The following DAPK1 variants were observed in gnomAD, a reference collection of about 807,000 sequenced individuals.
DAPK1 encodes the protein death associated protein kinase 1, also known as death-associated protein kinase 1.
In DAPK1, 56 loss-of-function variants were observed where a neutral mutation model predicts 144.9. That is an observed-to-expected ratio of 0.39 (90% CI 0.31 to 0.48). The LOEUF is 0.48. Among genes scored for constraint, DAPK1 ranks in the 20% least tolerant of loss-of-function variants. DAPK1 has a pLI of 0.95. For synonymous variants in DAPK1, 690 were observed against 749.0 expected (o/e 0.92, Z 1.29); for missense variants, 1,454 against 1,875.4 (o/e 0.78, Z 4.15).
Position 87,706,050 on chromosome 9 carries a change from C to G in DAPK1, c.3061-82C>G. The G allele has an allele frequency of 9.9e-7, 1 of 1,007,732 alleles. No individual in the cohort carries two copies. The highest frequency in any genetic ancestry group is 1.5e-6 in the Non-Finnish European group (1 of 664,892). The allele number at this position is 1,007,732 out of a possible 1,614,324, so 62.4% of individuals were successfully genotyped here. On this transcript the variant is annotated intron_variant, in intron 25 of 25. Transcript: ENST00000408954. This position sits in a 1 kb window ranked among gnomAD's most constrained non-coding sequence, Gnocchi z 9.0. ...TCTGCTCAGCCTCTGTTGCCGGCAT[C>G]AGGCCCTTTAGTGCTCTAAGTGGCT...
intron 21 of DAPK1, among the ~76,000 whole-genome samples, chr9:87,692,946 A>G: frequency 1.1e-5 from 1 of 89,066 alleles, no homozygotes; most frequent in Non-Finnish European, 2.2e-5. Context: ...CTTGTAAGTG[A>G]CTAGACTTTT....
chr9:87,694,934 G>A (rs144839957), intron 21 of DAPK1, among the ~76,000 whole-genome samples: 10 of 152,352 alleles, frequency 6.6e-5, no homozygotes, highest in African/African-American at 1.2e-4. Context: ...GCAGTCTCCA[G>A]GCAGCTCCCT....
intron 21 of DAPK1, among the ~76,000 whole-genome samples, chr9:87,690,255 TA>T (rs1288940719): frequency 1.6e-4 from 25 of 152,238 alleles, no homozygotes; most frequent in African/African-American, 4.1e-4. Flanking sequence ...ATTTTATTTT[TA>T]TTGCAGCTAT....
chr9:87,529,407 C>G (rs62562128), intron 2 of DAPK1, among the ~76,000 whole-genome samples: 8 of 152,094 alleles, frequency 5.3e-5, no homozygotes, highest in Non-Finnish European at 1.2e-4. Flanking sequence ...GTATTTCTAA[C>G]GTGATCTTAC....
Position 87,646,545 on chromosome 9 carries a change from G to A in DAPK1, c.1216G>A (p.Asp406Asn), listed in dbSNP as rs185766001. 15 of 1,608,762 alleles carry A rather than the reference G, an allele frequency of 9.3e-6. No homozygotes were observed. The highest frequency in any genetic ancestry group is 2.6e-6 in the Non-Finnish European group (3 of 1,175,146). Reference protein sequence around the residue: ...QLLIKRGSRIDVQDKGGSNAV... With the variant: ...QLLIKRGSRINVQDKGGSNAV... ...GCTCATTAAAAGAGGCTCGAGAATC[G>A]ATGTCCAGGATAAGGTCATAATTGT... Residue 406 changes from aspartate to asparagine, a missense_variant, in exon 13 of 26, where the codon GAT becomes AAT. Around this residue, in one of 2 missense-constraint regions of DAPK1, gnomAD observed 429 missense variants for 637.5 expected, o/e 0.67. Coordinates refer to ENST00000408954, the MANE Select transcript of DAPK1 (RefSeq NM_004938.4).
rs879749139 is a variant in DAPK1 at position 87,707,071 on chromosome 9, T to G, written c.4000T>G (p.Leu1334Val). Residue 1334 changes from leucine to valine, a missense_variant, in exon 26 of 26, where the codon TTA becomes GTA. Physicochemically the swap from Leu to Val is conservative, Grantham distance 32 (BLOSUM62 1). Coordinates refer to ENST00000408954, the MANE Select transcript of DAPK1 (RefSeq NM_004938.4). This position sits in a 1 kb window ranked among gnomAD's most constrained non-coding sequence, Gnocchi z 4.0. ...GGACTGGTGCCTTCTCGCCATGAAC[T>G]TAGGCCTCCCTGACCTCGTGGCAAA... ...GKDWCLLAMNLGLPDLVAKYN... is the reference protein window; with the variant it reads ...GKDWCLLAMNVGLPDLVAKYN... 4 of 1,614,014 alleles carry G rather than the reference T, an allele frequency of 2.5e-6. No individual in the cohort carries two copies. The highest frequency in any genetic ancestry group is 3.4e-6 in the Non-Finnish European group (4 of 1,179,928).
At chr9:87,504,947 G>A (rs1284254376) in intron 2 of DAPK1, among the ~76,000 whole-genome samples, 1 of 152,198 alleles carries the variant, frequency 6.6e-6, no homozygotes, top group Non-Finnish European at 1.5e-5. Flanking sequence ...TTGGTACAAG[G>A]TTGGTTGAAT....
intron 2 of DAPK1, among the ~76,000 whole-genome samples, chr9:87,540,262 T>G (rs1826001348): frequency 6.8e-6 from 1 of 146,556 alleles, no homozygotes; most frequent in South Asian, 2.2e-4. Context: ...CCATCTCAGT[T>G]CACTGCAGCC....
chr9:87,639,571 A>G (rs964670055), intron 5 of DAPK1, 79 bp from the exon 6 acceptor site: 357 of 1,610,926 alleles, frequency 2.2e-4, no homozygotes, highest in Non-Finnish European at 2.9e-4. Context: ...TCCCTGCTAC[A>G]TGTTCCTGGT....
intron 21 of DAPK1, among the ~76,000 whole-genome samples, chr9:87,689,506 A>AC (rs1458223273): frequency 6.6e-6 from 1 of 152,076 alleles, no homozygotes; most frequent in African/African-American, 2.4e-5. Flanking sequence ...CTGTGCAAAA[A>AC]CTGTTTAGTT....
chr9:87,662,559 A>AGTTTTGTTT, intron 18 of DAPK1, among the ~76,000 whole-genome samples: 2 of 25,570 alleles, frequency 7.8e-5, no homozygotes, highest in African/African-American at 1.9e-4. Flanking sequence ...ATATATTCCT[A>AGTTTTGTTT]GTTTTTTTTT....
At chr9:87,650,328 T>C in intron 16 of DAPK1, 2 of 546,226 alleles carry the variant, frequency 3.7e-6, no homozygotes, top group Non-Finnish European at 6.4e-6. Context: ...ACAAAATTCA[T>C]GAGTTGATCA....
chr9:87,641,942 A>T (rs1328367444), intron 9 of DAPK1, 27 bp from the exon 10 acceptor site: 4 of 1,577,364 alleles, frequency 2.5e-6, no homozygotes, highest in Non-Finnish European at 3.5e-6. Context: ...GAGAGCTTTA[A>T]TTTTTTTTCT....
At chr9:87,506,287 G>A (rs1824586794) in intron 2 of DAPK1, among the ~76,000 whole-genome samples, 1 of 152,226 alleles carries the variant, frequency 6.6e-6, no homozygotes, top group Non-Finnish European at 1.5e-5. Flanking sequence ...ATAAATAGTA[G>A]ACCCTTCATG....
At chr9:87,629,898 C>T (rs1829610845) in intron 3 of DAPK1, among the ~76,000 whole-genome samples, 1 of 152,144 alleles carries the variant, frequency 6.6e-6, no homozygotes, top group African/African-American at 2.4e-5. Flanking sequence ...GCAGCATCCA[C>T]CTGCGTGCTG....
At chr9:87,510,429 C>A (rs779242944) in intron 2 of DAPK1, among the ~76,000 whole-genome samples, 1 of 152,216 alleles carries the variant, frequency 6.6e-6, no homozygotes, top group Non-Finnish European at 1.5e-5. Context: ...GAAGGAAATA[C>A]ACATGCGAAA....
chr9:87,622,054 C>CTT (rs11347503), intron 3 of DAPK1, among the ~76,000 whole-genome samples: 18 of 146,362 alleles, frequency 1.2e-4, no homozygotes, highest in African/African-American at 2.0e-4. Flanking sequence ...CTGCCTTGCA[C>CTT]TTTTTTTTTT....
At chr9:87,629,868 G>C (rs1336503498) in intron 3 of DAPK1, among the ~76,000 whole-genome samples, 2 of 152,146 alleles carry the variant, frequency 1.3e-5, no homozygotes, top group Non-Finnish European at 2.9e-5. Context: ...AGGCCCTTTT[G>C]ATGCTGTGTG....
At chr9:87,668,555 T>C (rs1444437642) in intron 18 of DAPK1, 42 bp from the exon 19 acceptor site, 1 of 948,616 alleles carries the variant, frequency 1.1e-6, no homozygotes, top group South Asian at 1.3e-5. Context: ...CACACAGCTC[T>C]CCTTTTCAGA....
Sources: gnomAD v4.1 joint callset for allele counts (sites outside exome capture counted in the v4.1 genomes callset) on GRCh38, gnomAD v4.1.1 for gene constraint, gnomAD v4.1.1 regional missense constraint, Gnocchi (gnomAD v3.1) non-coding constraint, MANE v1.5 for transcripts, NCBI Gene and HGNC (gene_info 2026-07-23, HGNC 2026-07-21) for gene names.